GHR: variants seen among roughly 807,000 people sequenced by gnomAD.
GHR encodes the protein GH receptor.
GHR carries 35 observed loss-of-function variants against 67.1 expected under a neutral mutation model. The observed-to-expected ratio is 0.52, with a 90% CI of 0.40 to 0.69. The LOEUF is 0.69. Among genes scored for constraint, GHR ranks in the 30% least tolerant of loss-of-function variants. The probability of loss-of-function intolerance (pLI) is 0.00; values close to 1 mark genes in which losing one functional copy is unlikely to be tolerated. For missense variants in GHR, 792 were observed against 764.6 expected, an observed-to-expected ratio of 1.04 and a Z score of -0.42; for synonymous variants, 272 against 269.1, an observed-to-expected ratio of 1.01 and a Z score of -0.10.
At chr5:42,548,508 A>G (rs1748846009) in intron 1 of GHR, 1 of 983,948 alleles carries the variant, frequency 1.0e-6, no homozygotes, top group African/African-American at 1.7e-5. Flanking sequence ...CCTCTATTTC[A>G]GCAATATCTG....
chr5:42,582,607 G>T (rs1401842340), intron 2 of GHR, among the ~76,000 whole-genome samples: 2 of 152,222 alleles, frequency 1.3e-5, no homozygotes, highest in African/African-American at 4.8e-5. Context: ...GACTGAAAGA[G>T]CTGTAACACG....
At chr5:42,611,671 G>A (rs559452768) in intron 2 of GHR, among the ~76,000 whole-genome samples, 1 of 152,140 alleles carries the variant, frequency 6.6e-6, no homozygotes, top group Non-Finnish European at 1.5e-5. Flanking sequence ...AGTAAACAAA[G>A]AGGGTTCCCT....
At chr5:42,505,077 C>T (rs564017408) in intron 1 of GHR, among the ~76,000 whole-genome samples, 2 of 151,314 alleles carry the variant, frequency 1.3e-5, no homozygotes, top group Non-Finnish European at 2.9e-5. Context: ...TTAGGCTTGC[C>T]CTGTCTTCGG....
intron 5 of GHR, among the ~76,000 whole-genome samples, chr5:42,695,971 G>T (rs1036276956): frequency 6.6e-6 from 1 of 152,206 alleles, no homozygotes; most frequent in Non-Finnish European, 1.5e-5. Flanking sequence ...AATCTAATAG[G>T]CTGACTTTAA....
rs533198893 is a variant in GHR at position 42,495,065 on chromosome 5, G to C, written c.-11-70799G>C. Among the ~76,000 whole-genome samples, 27 of 58,570 alleles carry C rather than the reference G, an allele frequency of 4.6e-4. No homozygotes were observed. In the South Asian group the frequency reaches 0.023, roughly 49 times the overall value. The allele number at this position is 58,570 out of a possible 152,430, so 38.4% of individuals were successfully genotyped here. ...CAGGTATAGAACTAAGTGACACATTGCCAATTCCCACGCCCCCCCCCCATT... is the reference window on the plus strand; with the variant it reads ...CAGGTATAGAACTAAGTGACACATTCCCAATTCCCACGCCCCCCCCCCATT... On this transcript the variant is annotated intron_variant, in intron 1 of 9. Coordinates refer to ENST00000230882, the MANE Select transcript of GHR (RefSeq NM_000163.5).
chr5:42,439,920 C>G (rs762222905), intron 1 of GHR, among the ~76,000 whole-genome samples: 2 of 152,288 alleles, frequency 1.3e-5, no homozygotes, highest in South Asian at 2.1e-4. Context: ...ACAGCTTATG[C>G]CCTGAGTTCT....
intron 1 of GHR, among the ~76,000 whole-genome samples, chr5:42,459,439 A>AT (rs1744394982): frequency 6.6e-6 from 1 of 152,184 alleles, no homozygotes; most frequent in African/African-American, 2.4e-5. Context: ...ACATGTTCTC[A>AT]TTTATAAGTG....
intron 2 of GHR, among the ~76,000 whole-genome samples, chr5:42,573,336 G>A (rs911978352): frequency 4.6e-5 from 7 of 152,088 alleles, no homozygotes; most frequent in African/African-American, 1.4e-4. Context: ...CTTTTCCGGG[G>A]GATGGAATGA....
chr5:42,486,890 G>T (rs1344196270), intron 1 of GHR, among the ~76,000 whole-genome samples: 5 of 151,274 alleles, frequency 3.3e-5, no homozygotes, highest in Non-Finnish European at 5.9e-5. Flanking sequence ...TTTTTTAATG[G>T]ATGTGAGTGG....
intron 6 of GHR, among the ~76,000 whole-genome samples, chr5:42,701,225 G>A (rs933187407): frequency 1.4e-4 from 22 of 152,156 alleles, no homozygotes; most frequent in Admixed American, 1.3e-3. Flanking sequence ...TGGCACCTTA[G>A]CATGAAGCAA....
At chr5:42,433,732 A>ATTT (rs35539827) in intron 1 of GHR, among the ~76,000 whole-genome samples, 813 of 77,574 alleles carry the variant, frequency 0.01, 17 homozygotes, top group Non-Finnish European at 0.015. Context: ...AAGATATGGT[A>ATTT]TTTTTTTTTT....
chr5:42,458,457 C>T (rs1744351470), intron 1 of GHR, among the ~76,000 whole-genome samples: 1 of 146,590 alleles, frequency 6.8e-6, no homozygotes, highest in African/African-American at 2.5e-5. Context: ...CCCCTCCTTA[C>T]ACCATATAAA....
intron 1 of GHR, among the ~76,000 whole-genome samples, chr5:42,534,014 A>G (rs1748095992): frequency 6.6e-6 from 1 of 151,192 alleles, no homozygotes. Context: ...ATTCCTTTCT[A>G]TGGTTGAGTA....
At chr5:42,509,936 A>G (rs1746939418) in intron 1 of GHR, among the ~76,000 whole-genome samples, 1 of 152,206 alleles carries the variant, frequency 6.6e-6, no homozygotes, top group South Asian at 2.1e-4. Context: ...TGTCTGTACA[A>G]TAAAAACTTG....
chr5:42,518,983 T>C (rs1579858136), intron 1 of GHR, among the ~76,000 whole-genome samples: 1 of 152,346 alleles, frequency 6.6e-6, no homozygotes, highest in East Asian at 1.9e-4. Flanking sequence ...CGCTAATCGC[T>C]GTGTCACCTT....
intron 1 of GHR, among the ~76,000 whole-genome samples, chr5:42,459,305 A>G (rs1020697553): frequency 2.6e-5 from 4 of 152,234 alleles, no homozygotes; most frequent in Non-Finnish European, 5.9e-5. Flanking sequence ...AATGTGATAC[A>G]TATATACCAT....
At chr5:42,535,487 G>C (rs370526241) in intron 1 of GHR, among the ~76,000 whole-genome samples, 2 of 151,934 alleles carry the variant, frequency 1.3e-5, no homozygotes, top group African/African-American at 4.8e-5. Flanking sequence ...TTTATTTCTG[G>C]GTTCAATATT....
At chr5:42,507,647 A>T (rs1206128758) in intron 1 of GHR, among the ~76,000 whole-genome samples, 1 of 152,220 alleles carries the variant, frequency 6.6e-6, no homozygotes, top group Non-Finnish European at 1.5e-5. Context: ...GCTAGCAAGG[A>T]ATGCTGAGTC....
intron 3 of GHR, among the ~76,000 whole-genome samples, chr5:42,653,602 CATAA>C (rs1318626398): frequency 1.3e-5 from 2 of 152,088 alleles, no homozygotes; most frequent in African/African-American, 4.8e-5. Flanking sequence ...TGTCTGAGCC[CATAA>C]ATAAAGTTAC....
Sources: gnomAD v4.1 joint callset for allele counts (sites outside exome capture counted in the v4.1 genomes callset) on GRCh38, gnomAD v4.1.1 for gene constraint, MANE v1.5 for transcripts, NCBI Gene and HGNC (gene_info 2026-07-23, HGNC 2026-07-21) for gene names.